Variants in MVB12B observed in about 807,000 individuals in gnomAD.
The protein encoded by MVB12B is ESCRT-I complex subunit MVB12B.
Under a neutral mutation model 41.6 loss-of-function variants are expected in MVB12B, and 16 were observed. That is an observed-to-expected ratio of 0.38 (90% CI 0.26 to 0.58). MVB12B has a LOEUF of 0.58. MVB12B is among the 20% of genes least tolerant of loss of function. MVB12B has a pLI of 0.62. For synonymous variants in MVB12B, 133 were observed against 139.7 expected (o/e 0.95, Z 0.34); for missense variants, 274 against 380.2 (o/e 0.72, Z 2.32).
intron 9 of MVB12B, among the ~76,000 whole-genome samples, chr9:126,502,914 C>G (rs1337564896): frequency 1.3e-5 from 2 of 152,194 alleles, no homozygotes; most frequent in African/African-American, 4.8e-5. Context: ...TCACAGGGAG[C>G]AGGCAGGCAC....
chr9:126,441,746 A>G (rs557176117), intron 7 of MVB12B, among the ~76,000 whole-genome samples: 2 of 152,372 alleles, frequency 1.3e-5, no homozygotes, highest in Admixed American at 1.3e-4. Flanking sequence ...GAAATTGGTA[A>G]CATTATTATG....
chr9:126,412,788 A>G (rs1404846319), intron 6 of MVB12B, among the ~76,000 whole-genome samples: 1 of 152,176 alleles, frequency 6.6e-6, no homozygotes, highest in Non-Finnish European at 1.5e-5. Flanking sequence ...GTGCCCATGG[A>G]AAAAAGATTG....
intron 2 of MVB12B, among the ~76,000 whole-genome samples, chr9:126,349,588 C>T (rs533593672): frequency 2.2e-4 from 34 of 152,188 alleles, no homozygotes; most frequent in Non-Finnish European, 5.0e-4. Context: ...CTTATATAAA[C>T]GGAATTATAG....
Position 126,451,484 on chromosome 9 carries a change from C to G in MVB12B, c.757+29536C>G, listed in dbSNP as rs957877302. 2.6e-5 allele frequency among the ~76,000 whole-genome samples: 4 copies of G among 152,086 alleles called. No homozygotes were observed. In the South Asian group the frequency reaches 8.3e-4, roughly 32 times the overall value. On this transcript the variant is annotated intron_variant, in intron 7 of 9. Coordinates refer to ENST00000361171, the MANE Select transcript of MVB12B (RefSeq NM_033446.3). ...CCAAGAGCTGCAGCCCATCCAGGCT[C>G]TGAGCAGGAACCCTGGAGACCAGAG...
At chr9:126,422,030 G>A (rs887659) in intron 7 of MVB12B, 82 bp downstream of exon 7, 447,840 of 982,800 alleles carry the variant, frequency 0.46, 103,993 homozygotes, top group South Asian at 0.55. Context: ...CTGTCTTCTC[G>A]TGGGATCTGT....
intron 7 of MVB12B, among the ~76,000 whole-genome samples, chr9:126,457,214 CT>C (rs1351023918): frequency 1.3e-5 from 2 of 152,204 alleles, no homozygotes; most frequent in Non-Finnish European, 2.9e-5. Flanking sequence ...TTTCTTAGAC[CT>C]TTGGGATCCC....
Position 126,358,960 on chromosome 9 carries a change from C to T in MVB12B, c.204+18330C>T, listed in dbSNP as rs187403991. Among the ~76,000 whole-genome samples the T allele has an allele frequency of 3.4e-4, 52 of 152,298 alleles. 1 individual carries two copies. Among genetic ancestry groups the T allele is most frequent in the African/African-American group, 1.1e-3 (46 of 41,552 alleles). On this transcript the variant is annotated intron_variant, in intron 2 of 9. Transcript: ENST00000361171. ...TAGATACTATTTAACAGAAAGTACC[C>T]TTCCAGAGGGTTTTTAAATCATACA...
rs995549306 is a variant in MVB12B at position 126,476,189 on chromosome 9, G to A, written c.758-5180G>A. On this transcript the variant is annotated intron_variant, in intron 7 of 9. Transcript: ENST00000361171. ...GGCTGCTGTGCGGCATCCCGCAATG[G>A]TCTCACATCTCATCTTTGCCTCCTC... Among the ~76,000 whole-genome samples, 3 of 149,348 alleles carry A rather than the reference G, an allele frequency of 2.0e-5. No homozygotes were observed. The South Asian group carries it at 6.5e-4, about 32-fold the overall frequency.
chr9:126,381,192 C>T, intron 3 of MVB12B, 21 bp downstream of exon 3: 3 of 1,542,638 alleles, frequency 1.9e-6, no homozygotes, highest in Non-Finnish European at 1.8e-6. Flanking sequence ...TCGTAGTTTC[C>T]ATTTGCTGAG....
intron 8 of MVB12B, 36 bp downstream of exon 8, chr9:126,481,460 ACC>A: frequency 6.6e-7 from 1 of 1,520,764 alleles, no homozygotes; most frequent in Non-Finnish European, 9.1e-7. Context: ...CCCCTCTGCC[ACC>A]CCCCAGCCTG....
chr9:126,489,147 C>G (rs1833680581), intron 9 of MVB12B, among the ~76,000 whole-genome samples: 1 of 152,216 alleles, frequency 6.6e-6, no homozygotes. Context: ...CCCTGGAGAA[C>G]TGGAAGGGGA....
chr9:126,343,433 A>T (rs1009331369), intron 2 of MVB12B, among the ~76,000 whole-genome samples: 1 of 152,220 alleles, frequency 6.6e-6, no homozygotes, highest in Admixed American at 6.5e-5. Flanking sequence ...TTTTCGAAGA[A>T]TTGTAATGCT....
Position 126,503,345 on chromosome 9 carries a change from G to T in MVB12B, c.*82G>T. ...GCTGCTGCCCCCGCCTCCTCCTGCC[G>T]CCTCCGCCAGCCCTCCCTCCCACAC... On this transcript the variant is annotated 3_prime_UTR_variant, in exon 10 of 10. Coordinates refer to ENST00000361171, the MANE Select transcript of MVB12B (RefSeq NM_033446.3). The T allele has an allele frequency of 8.8e-7, 1 of 1,131,464 alleles. No individual in the cohort carries two copies. The highest frequency in any genetic ancestry group is 1.3e-6 in the Non-Finnish European group (1 of 788,566). The allele number at this position is 1,131,464 out of a possible 1,614,324, so 70.1% of individuals were successfully genotyped here. A position where few individuals can be genotyped will look rare whatever the true frequency, so the allele number is the denominator to read the frequency against.
intron 7 of MVB12B, among the ~76,000 whole-genome samples, chr9:126,450,074 A>G (rs1428132661): frequency 6.6e-6 from 1 of 152,214 alleles, no homozygotes; most frequent in Non-Finnish European, 1.5e-5. Context: ...CCTCACATCT[A>G]ACATCAGAGT....
At chr9:126,476,876 C>CAAAAAAA (rs35160593) in intron 7 of MVB12B, among the ~76,000 whole-genome samples, 2 of 63,816 alleles carry the variant, frequency 3.1e-5, no homozygotes, top group Non-Finnish European at 5.9e-5. Flanking sequence ...GACTCCATCT[C>CAAAAAAA]AAAAAAAAAA....
At chr9:126,400,317 A>G (rs145685461) in intron 6 of MVB12B, among the ~76,000 whole-genome samples, 85 of 152,192 alleles carry the variant, frequency 5.6e-4, no homozygotes, top group African/African-American at 2.0e-3. Context: ...TTACAAGGAG[A>G]TAGATTTAGG....
chr9:126,381,509 A>T (rs1244204324), intron 3 of MVB12B, among the ~76,000 whole-genome samples: 1 of 152,196 alleles, frequency 6.6e-6, no homozygotes. Context: ...AGCGGGATTT[A>T]ATGCTGGCCA....
At chr9:126,431,629 C>T (rs1387319037) in intron 7 of MVB12B, among the ~76,000 whole-genome samples, 1 of 152,148 alleles carries the variant, frequency 6.6e-6, no homozygotes, top group Non-Finnish European at 1.5e-5. Context: ...GGTTTTTAAG[C>T]ATGGCAGAGC....
chr9:126,428,017 C>G (rs1832230124), intron 7 of MVB12B, among the ~76,000 whole-genome samples: 2 of 151,234 alleles, frequency 1.3e-5, no homozygotes, highest in Non-Finnish European at 2.9e-5. Flanking sequence ...CCCTCCACAG[C>G]TGTTTGCTTT....
Sources: gnomAD v4.1 joint callset for allele counts (sites outside exome capture counted in the v4.1 genomes callset) on GRCh38, gnomAD v4.1.1 for gene constraint, MANE v1.5 for transcripts, NCBI Gene and HGNC (gene_info 2026-07-23, HGNC 2026-07-21) for gene names.